Variants in PTPRD observed in about 807,000 individuals in gnomAD.
PTPRD encodes the protein protein tyrosine phosphatase receptor type D.
In PTPRD, 34 loss-of-function variants were observed where a neutral mutation model predicts 214.5. The observed-to-expected ratio is 0.16, with a 90% CI of 0.12 to 0.21. The LOEUF is 0.21. Ranked by LOEUF, PTPRD falls within the 10% of genes least tolerant of loss-of-function variation. The pLI is 1.00. For synonymous variants in PTPRD, 1,128 were observed against 845.7 expected, an observed-to-expected ratio of 1.33 and a Z score of -5.79; for missense variants, 2,545 against 2,398.7, an observed-to-expected ratio of 1.06 and a Z score of -1.27.
At chr9:8,662,612 A>G (rs2097085819) in intron 12 of PTPRD, among the ~76,000 whole-genome samples, 1 of 152,108 alleles carries the variant, frequency 6.6e-6, no homozygotes, top group Non-Finnish European at 1.5e-5. Flanking sequence ...CAAGGGTTTC[A>G]CTTCCTACTT....
At chr9:9,129,557 G>A (rs376137035) in intron 10 of PTPRD, among the ~76,000 whole-genome samples, 4 of 152,096 alleles carry the variant, frequency 2.6e-5, no homozygotes, top group South Asian at 2.1e-4. Context: ...CTGATACATC[G>A]TTCAATTAAT....
chr9:8,645,048 T>G lies in PTPRD; in HGVS notation c.65-8204A>C, dbSNP rs147970883. On this transcript the variant is annotated intron_variant, in intron 12 of 45. Transcript: ENST00000381196. ...TTACAAGCTAGAAAATTATAAAGAT[T>G]GCACAGATAATATATCGCAATTTAT... Among the ~76,000 whole-genome samples the G allele has an allele frequency of 4.9e-3, 749 of 152,358 alleles. 4 individuals are homozygous for G. Among genetic ancestry groups the G allele is most frequent in the African/African-American group, 0.017 (693 of 41,576 alleles).
intron 7 of PTPRD, among the ~76,000 whole-genome samples, chr9:9,643,913 T>G (rs2096058585): frequency 6.6e-6 from 1 of 152,324 alleles, no homozygotes; most frequent in East Asian, 1.9e-4. Flanking sequence ...AAGAATTATG[T>G]CAGTTATACT....
chr9:10,427,154 A>C (rs532481610), intron 2 of PTPRD, among the ~76,000 whole-genome samples: 1 of 152,200 alleles, frequency 6.6e-6, no homozygotes, highest in East Asian at 1.9e-4. Flanking sequence ...TTTTTAAAAC[A>C]ACAGCCTCTA....
intron 7 of PTPRD, among the ~76,000 whole-genome samples, chr9:9,628,146 G>A (rs2095480113): frequency 6.6e-6 from 1 of 152,124 alleles, no homozygotes; most frequent in African/African-American, 2.4e-5. Context: ...TTATGATACT[G>A]TATAAATGTA....
intron 43 of PTPRD, among the ~76,000 whole-genome samples, chr9:8,337,564 T>G (rs1280850448): frequency 6.6e-6 from 1 of 151,840 alleles, no homozygotes; most frequent in Non-Finnish European, 1.5e-5. Context: ...GTAACAAACC[T>G]GCATGTTCTG....
chr9:9,862,045 G>T lies in PTPRD; in HGVS notation c.-368+76462C>A, dbSNP rs140538364. ...AGAAATTCACTGATTCTTAAGAATA[G>T]ATTTGAAAAGATAAGATTATGTGCT... On this transcript the variant is annotated intron_variant, in intron 5 of 45. Coordinates refer to ENST00000381196, the MANE Select transcript of PTPRD (RefSeq NM_002839.4). Among the ~76,000 whole-genome samples, 9 of 152,238 alleles carry T rather than the reference G, an allele frequency of 5.9e-5. 1 individual carries two copies. In the East Asian group the frequency reaches 1.7e-3, roughly 29 times the overall value.
chr9:10,061,249 C>A (rs2097773540), intron 3 of PTPRD, among the ~76,000 whole-genome samples: 1 of 151,834 alleles, frequency 6.6e-6, no homozygotes, highest in South Asian at 2.1e-4. Context: ...CAATGCATAT[C>A]CTGCAACAGG....
At chr9:8,619,764 T>A (rs915577394) in intron 14 of PTPRD, among the ~76,000 whole-genome samples, 1 of 151,876 alleles carries the variant, frequency 6.6e-6, no homozygotes, top group African/African-American at 2.4e-5. Context: ...TAAGGTATCT[T>A]TTACACATCT....
intron 3 of PTPRD, among the ~76,000 whole-genome samples, chr9:10,291,907 G>A (rs192308234): frequency 1.3e-5 from 2 of 152,116 alleles, no homozygotes; most frequent in African/African-American, 4.8e-5. Flanking sequence ...AAGTGCACCG[G>A]GGAATTATCT....
intron 45 of PTPRD, among the ~76,000 whole-genome samples, chr9:8,318,386 G>T (rs1823628286): frequency 6.6e-6 from 1 of 152,154 alleles, no homozygotes. Flanking sequence ...AAACTGTCCT[G>T]AGAAAAATCT....
chr9:10,136,559 T>TAGAAATCATAACCAAGAATATCTCAAAC (rs369957695), intron 3 of PTPRD, among the ~76,000 whole-genome samples: 4 of 139,876 alleles, frequency 2.9e-5, no homozygotes, highest in South Asian at 2.6e-4. Context: ...ATGATAAAAA[T>TAGAAATCATAACCAAGAATATCTCAAAC]TAAAGATTTA....
At chr9:9,768,765 G>A (rs1031426992) in intron 5 of PTPRD, among the ~76,000 whole-genome samples, 6 of 152,150 alleles carry the variant, frequency 3.9e-5, no homozygotes, top group Non-Finnish European at 5.9e-5. Flanking sequence ...CAAAAGTATG[G>A]GGTAAAGGGA....
chr9:10,287,965 T>C (rs2095414268), intron 3 of PTPRD, among the ~76,000 whole-genome samples: 1 of 152,100 alleles, frequency 6.6e-6, no homozygotes, highest in Admixed American at 6.5e-5. Context: ...GCATGATTTA[T>C]GTTTTAAGAA....
intron 14 of PTPRD, among the ~76,000 whole-genome samples, chr9:8,565,217 A>C (rs10739167): frequency 1.3e-5 from 2 of 152,076 alleles, no homozygotes. Flanking sequence ...GGTGGGCTGG[A>C]GGACCGGGGA....
At chr9:9,867,521 G>T (rs2064284266) in intron 5 of PTPRD, among the ~76,000 whole-genome samples, 1 of 152,032 alleles carries the variant, frequency 6.6e-6, no homozygotes, top group Non-Finnish European at 1.5e-5. Context: ...AATAAAGGAA[G>T]AATCTCAGAG....
chr9:8,636,598 AG>A, intron 13 of PTPRD, 100 bp downstream of exon 13: 1 of 1,396,718 alleles, frequency 7.2e-7, no homozygotes. Context: ...ACCATATATC[AG>A]TGACACCTTT....
At chr9:9,700,461 C>G (rs868300318) in intron 7 of PTPRD, among the ~76,000 whole-genome samples, 1 of 151,992 alleles carries the variant, frequency 6.6e-6, no homozygotes, top group African/African-American at 2.4e-5. Context: ...GTAAGGCACT[C>G]TACATGGTTT....
chr9:8,951,481 G>C (rs1209303344), intron 11 of PTPRD, among the ~76,000 whole-genome samples: 3 of 151,832 alleles, frequency 2.0e-5, no homozygotes, highest in East Asian at 3.9e-4. Flanking sequence ...CTGAAATCTA[G>C]ATTCATGTAG....
Sources: allele counts gnomAD v4.1 joint callset (sites outside exome capture counted in the v4.1 genomes callset), GRCh38; gene constraint gnomAD v4.1.1; transcripts MANE v1.5; gene names NCBI Gene and HGNC (gene_info 2026-07-23, HGNC 2026-07-21).